The following EFCAB7 variants were observed in gnomAD, a reference collection of about 807,000 sequenced individuals.
EFCAB7 encodes the protein EF-hand calcium binding domain 7.
A neutral mutation model predicts 77.1 loss-of-function variants in EFCAB7; 66 were observed. The ratio of observed to expected loss-of-function variants is 0.86; its 90% CI spans 0.70 to 1.05. The LOEUF is 1.05. Ranked by LOEUF, EFCAB7 falls within the 50% of genes least tolerant of loss-of-function variation. The pLI is 0.00. For missense variants in EFCAB7, 638 were observed against 730.5 expected (o/e 0.87, Z 1.46); for synonymous variants, 225 against 243.3 (o/e 0.92, Z 0.70).
At position 63,561,779 on chromosome 1, in the gene EFCAB7, T is replaced by C; in HGVS notation, c.1419T>C (p.Asn473=). 3 of 1,610,530 alleles carry C rather than the reference T, an allele frequency of 1.9e-6. No individual in the cohort carries two copies. The highest frequency in any genetic ancestry group is 2.5e-6 in the Non-Finnish European group (3 of 1,177,548). The stretch of plus-strand genomic sequence containing the variant: ...TGGATTTGAATCTAATGGAAGCTAA[T>C]GATCGAGAAGGAGATCCTTGTGACC... ...GFMDLNLMEA[N]DREGDPCDLW... is the part of the protein sequence containing the mutation. The change falls in exon 11 of 14, where the codon AAT becomes AAC. Residue 473 remains asparagine (N), a synonymous_variant. Coordinates refer to ENST00000371088, the MANE Select transcript of EFCAB7 (RefSeq NM_032437.4).
At chr1:63,559,465 G>C (rs1053172688) in intron 10 of EFCAB7, among the ~76,000 whole-genome samples, 1 of 151,862 alleles carries the variant, frequency 6.6e-6, no homozygotes, top group Non-Finnish European at 1.5e-5. Context: ...TTTACATTAG[G>C]TTCAGTCTTT....
chr1:63,552,785 A>G (rs1276812495), intron 8 of EFCAB7, among the ~76,000 whole-genome samples: 3 of 152,174 alleles, frequency 2.0e-5, no homozygotes, highest in Non-Finnish European at 4.4e-5. Flanking sequence ...CATTTCCCTG[A>G]TAGAATGTTA....
chr1:63,569,410 T>C (rs1033173863), intron 12 of EFCAB7: 38 of 152,222 alleles, frequency 2.5e-4, no homozygotes, highest in African/African-American at 9.2e-4. Context: ...AATGTAGTAC[T>C]GTTTGTGTGT....
At chr1:63,559,007 T>C (rs1360433259) in intron 10 of EFCAB7, among the ~76,000 whole-genome samples, 7 of 150,540 alleles carry the variant, frequency 4.6e-5, no homozygotes, top group Non-Finnish European at 7.4e-5. Context: ...ACAGAGCAAA[T>C]TGTCTCTTAA....
chr1:63,552,337 T>C (rs528049998), intron 8 of EFCAB7, among the ~76,000 whole-genome samples: 1 of 152,332 alleles, frequency 6.6e-6, no homozygotes, highest in Admixed American at 6.5e-5. Context: ...CTTTTCTAAA[T>C]GCCCTGATGC....
At chr1:63,560,376 T>C (rs1328779820) in intron 10 of EFCAB7, among the ~76,000 whole-genome samples, 1 of 152,140 alleles carries the variant, frequency 6.6e-6, no homozygotes, top group East Asian at 1.9e-4. Context: ...GTATTATATG[T>C]CAAATATTTT....
In EFCAB7 at chr1:63,568,311, CATG is replaced by C. The variant is rs1232325245; in HGVS notation, c.1500_1502del (p.Cys501del). On this transcript the variant is annotated inframe_deletion and splice_region_variant, in exon 12 of 14. Coordinates refer to ENST00000371088, the MANE Select transcript of EFCAB7 (RefSeq NM_032437.4). The stretch of plus-strand genomic sequence containing the variant: ...AACAAGATTTTTTTTTCCTATCAGG[CATG>C]TCCATTTGTCATTGATATCTATGCA... 19 of 1,597,784 alleles carry C rather than the reference CATG, an allele frequency of 1.2e-5. No individual in the cohort carries two copies. Among genetic ancestry groups the C allele is most frequent in the Non-Finnish European group, 1.6e-5 (19 of 1,174,216 alleles).
rs749832293 is a variant in EFCAB7, at chr1:63,525,634, G to A, written c.62G>A (p.Ser21Asn). The A allele has an allele frequency of 1.2e-6, 2 of 1,603,100 alleles. No homozygotes were observed. The highest frequency in any genetic ancestry group is 1.7e-6 in the Non-Finnish European group (2 of 1,177,756). ...FSSQKSTPSE[S>N]PRTKKFPLTE... is the part of the protein sequence containing the mutation. ...AGTCAGAAATCAACACCTTCAGAGA[G>A]TCCTCGAACAAAGAAATTTCCACTA... Residue 21 changes from serine to asparagine, a missense_variant, in exon 2 of 14, where the codon AGT becomes AAT. Transcript: ENST00000371088.
the EFCAB7 span, among the ~76,000 whole-genome samples, chr1:63,579,667 A>G: frequency 2.6e-5 from 4 of 152,204 alleles, no homozygotes; most frequent in African/African-American, 9.6e-5. Context: ...TCCAGCAGCA[A>G]TGTAGGAGAA....
At position 63,557,099 on chromosome 1, in the gene EFCAB7, T is replaced by C; in HGVS notation, c.1215-15T>C. On this transcript the variant is annotated splice_polypyrimidine_tract_variant and intron_variant, in intron 9 of 13. Transcript: ENST00000371088. The stretch of plus-strand genomic sequence containing the variant: ...CTTAGTGACAAGAAATAACTAGCTA[T>C]TTTTATAATTTTAGGTCTACTTTAT... 1 of 1,549,920 alleles carries C rather than the reference T, an allele frequency of 6.5e-7. No individual in the cohort carries two copies. Among genetic ancestry groups the C allele is most frequent in the African/African-American group, 1.4e-5 (1 of 71,308 alleles).
chr1:63,551,841 A>T lies in EFCAB7; in HGVS notation c.1056+7A>T. The T allele has an allele frequency of 6.6e-7, 1 of 1,512,672 alleles. No homozygotes were observed. 93.7% of individuals were successfully genotyped at this position (1,512,672 alleles called of 1,614,324 possible). On this transcript the variant is annotated splice_region_variant and intron_variant, in intron 8 of 13. Coordinates refer to ENST00000371088, the MANE Select transcript of EFCAB7 (RefSeq NM_032437.4). ...CGAACTACGAAATAGAGAAGTATAC[A>T]TATTTATTTTCTAATGTTTAATTTT...
chr1:63,573,903 G>C (rs551621958), downstream of EFCAB7, among the ~76,000 whole-genome samples: 24 of 152,256 alleles, frequency 1.6e-4, no homozygotes, highest in African/African-American at 4.6e-4. Flanking sequence ...TGAATACCAA[G>C]AGCCTGAGAA....
chr1:63,523,941 G>A (rs1646528070), intron 1 of EFCAB7, among the ~76,000 whole-genome samples: 1 of 152,098 alleles, frequency 6.6e-6, no homozygotes. Context: ...TTGTGTGGCT[G>A]GTTATTTATG....
At chr1:63,581,236 G>A in the EFCAB7 span, among the ~76,000 whole-genome samples, 12 of 152,052 alleles carry the variant, frequency 7.9e-5, no homozygotes, top group South Asian at 2.5e-3. Context: ...TTAGGTTATA[G>A]AAGTTACTTC....
At chr1:63,548,249 A>C (rs1354447832) in intron 7 of EFCAB7, 2 of 152,240 alleles carry the variant, frequency 1.3e-5, no homozygotes, top group Non-Finnish European at 2.9e-5. Flanking sequence ...GTAGGAGATG[A>C]AACCAGGGAG....
intron 8 of EFCAB7, among the ~76,000 whole-genome samples, chr1:63,553,991 A>G (rs1039480651): frequency 2.6e-5 from 4 of 151,818 alleles, no homozygotes; most frequent in African/African-American, 7.3e-5. Flanking sequence ...CATTATTATT[A>G]TTGTTGTTAT....
intron 7 of EFCAB7, chr1:63,550,945 C>T (rs1646957448): frequency 6.6e-6 from 1 of 152,000 alleles, no homozygotes; most frequent in South Asian, 2.1e-4. Flanking sequence ...TAGGGAAGTC[C>T]AGTTTTGGAA....
At chr1:63,538,951 C>T (rs1389876218) in intron 6 of EFCAB7, among the ~76,000 whole-genome samples, 2 of 152,092 alleles carry the variant, frequency 1.3e-5, no homozygotes, top group Admixed American at 1.3e-4. Flanking sequence ...AACTGTTGTT[C>T]TACCATTTTC....
intron 5 of EFCAB7, 124 bp from the exon 6 acceptor site, chr1:63,533,971 T>G: frequency 9.1e-7 from 1 of 1,097,802 alleles, no homozygotes; most frequent in Admixed American, 2.5e-5. Flanking sequence ...TGACTTTATT[T>G]CAATAGGGAG....
Sources: allele counts gnomAD v4.1 joint callset (sites outside exome capture counted in the v4.1 genomes callset), GRCh38; gene constraint gnomAD v4.1.1; transcripts MANE v1.5; gene names NCBI Gene and HGNC (gene_info 2026-07-23, HGNC 2026-07-21).